Variants in TRMT11 observed in about 807,000 individuals in gnomAD.
The protein encoded by TRMT11 is tRNA (guanine(10)-N(2))-methyltransferase TRMT11.
Under a neutral mutation model 62.8 loss-of-function variants are expected in TRMT11, and 53 were observed. That is an observed-to-expected ratio of 0.84 (90% CI 0.68 to 1.06). The LOEUF is 1.06. TRMT11 is among the 50% of genes least tolerant of loss of function. TRMT11 has a pLI of 0.00. For synonymous variants in TRMT11, 188 were observed against 190.3 expected (o/e 0.99, Z 0.10); for missense variants, 556 against 553.4 (o/e 1.00, Z -0.05).
intron 16 of TRMT11, among the ~76,000 whole-genome samples, chr6:126,048,885 C>G (rs1437929823): frequency 6.6e-6 from 1 of 152,194 alleles, no homozygotes; most frequent in Non-Finnish European, 1.5e-5. Flanking sequence ...TCTCAGGTTA[C>G]AGGCTTGCTG....
intron 17 of TRMT11, among the ~76,000 whole-genome samples, chr6:126,108,238 T>C (rs147543074): frequency 5.6e-4 from 85 of 152,342 alleles, no homozygotes; most frequent in African/African-American, 2.0e-3. Context: ...TTTATGCTCA[T>C]GTCTTTTGTT....
chr6:126,226,367 T>C, the TRMT11 span, among the ~76,000 whole-genome samples: 4 of 152,178 alleles, frequency 2.6e-5, no homozygotes, highest in African/African-American at 9.6e-5. Context: ...ACCTTGCCAA[T>C]CCCAATATCA....
chr6:126,257,916 G>T, the TRMT11 span: 6 of 1,530,180 alleles, frequency 3.9e-6, no homozygotes, highest in Non-Finnish European at 5.4e-6. Context: ...CTGGGTCAAG[G>T]ACCCTCACTT....
chr6:126,234,791 A>G, the TRMT11 span, among the ~76,000 whole-genome samples: 4 of 152,142 alleles, frequency 2.6e-5, no homozygotes, highest in Non-Finnish European at 4.4e-5. Context: ...TTAAAGCTCT[A>G]ATAATTTTAA....
downstream of TRMT11, chr6:126,039,347 C>T (rs1199346086): frequency 6.6e-6 from 1 of 152,348 alleles, no homozygotes; most frequent in Non-Finnish European, 1.5e-5. Flanking sequence ...AAATTCCAGA[C>T]AAGGAAGGAA....
chr6:125,998,117 T>C lies in TRMT11; in HGVS notation c.277T>C (p.Tyr93His). The change falls in exon 4 of 13, where the codon TAC becomes CAC. Residue 93 changes from tyrosine to histidine, a missense_variant. Tyr to His is a moderately conservative substitution (Grantham distance 83). Coordinates refer to ENST00000334379, the MANE Select transcript of TRMT11 (RefSeq NM_001031712.3). ...PEELYSSLKNYPVEKMVPFLH... is the reference protein window; with the variant it reads ...PEELYSSLKNHPVEKMVPFLH... The stretch of plus-strand genomic sequence containing the variant: ...GGAGCTGTACAGTTCTCTTAAAAAC[T>C]ACCCTGTGGAGAAGATGGTGCGTAG... 1 of 1,613,646 alleles carries C rather than the reference T, an allele frequency of 6.2e-7. No homozygotes were observed. The highest frequency in any genetic ancestry group is 8.5e-7 in the Non-Finnish European group (1 of 1,179,604).
chr6:126,063,099 C>T (rs1041412018), intron 17 of TRMT11, among the ~76,000 whole-genome samples: 1 of 152,080 alleles, frequency 6.6e-6, no homozygotes, highest in African/African-American at 2.4e-5. Context: ...AATAATGTTA[C>T]ATATAAGTGA....
chr6:126,163,377 C>T (rs1297418076), intron 21 of TRMT11, among the ~76,000 whole-genome samples: 1 of 152,164 alleles, frequency 6.6e-6, no homozygotes, highest in Non-Finnish European at 1.5e-5. Context: ...ATATGTTGAA[C>T]CAGCCTTGCA....
At chr6:126,089,997 T>C (rs1020999112) in intron 17 of TRMT11, among the ~76,000 whole-genome samples, 2 of 152,342 alleles carry the variant, frequency 1.3e-5, no homozygotes, top group Admixed American at 1.3e-4. Flanking sequence ...CTCTGTGATG[T>C]GCACATGTTG....
intron 17 of TRMT11, among the ~76,000 whole-genome samples, chr6:126,071,291 C>T (rs1334621992): frequency 6.6e-6 from 1 of 151,742 alleles, no homozygotes; most frequent in African/African-American, 2.4e-5. Flanking sequence ...ATGAAAAAGT[C>T]GACATCGTGT....
intron 17 of TRMT11, among the ~76,000 whole-genome samples, chr6:126,073,542 A>G (rs1776922635): frequency 6.6e-6 from 1 of 152,100 alleles, no homozygotes. Flanking sequence ...TATTTAAATC[A>G]CAGTCACAAC....
At chr6:126,160,009 C>G (rs1484767032) in intron 21 of TRMT11, among the ~76,000 whole-genome samples, 1 of 152,194 alleles carries the variant, frequency 6.6e-6, no homozygotes, top group Non-Finnish European at 1.5e-5. Flanking sequence ...TGTCTGATCT[C>G]TTACCTCGGG....
chr6:126,082,571 C>G (rs1181530924), intron 17 of TRMT11, among the ~76,000 whole-genome samples: 2 of 151,962 alleles, frequency 1.3e-5, no homozygotes, highest in African/African-American at 2.4e-5. Flanking sequence ...CCTCTATGCT[C>G]TAAAATGATT....
chr6:126,037,376 C>T (rs1190549535), intron 12 of TRMT11, among the ~76,000 whole-genome samples: 1 of 152,040 alleles, frequency 6.6e-6, no homozygotes, highest in Non-Finnish European at 1.5e-5. Context: ...ACAAAATAAC[C>T]AGCAAATGTT....
At chr6:126,233,723 C>G in the TRMT11 span, among the ~76,000 whole-genome samples, 1 of 152,084 alleles carries the variant, frequency 6.6e-6, no homozygotes. Context: ...TTCTTGAAAT[C>G]AGAAGAAAAG....
At chr6:126,207,946 C>G (rs2128255773), downstream of TRMT11, among the ~76,000 whole-genome samples, 1 of 152,176 alleles carries the variant, frequency 6.6e-6, no homozygotes, top group South Asian at 2.1e-4. Context: ...ATGAGGTCAG[C>G]CCATTTAAAA....
At chr6:126,198,577 A>C (rs1778698352) in intron 1 of TRMT11, among the ~76,000 whole-genome samples, 1 of 152,172 alleles carries the variant, frequency 6.6e-6, no homozygotes, top group African/African-American at 2.4e-5. Context: ...TAAGGCTGTA[A>C]ATCCCACAGT....
chr6:126,073,737 G>T (rs182788609), intron 17 of TRMT11, among the ~76,000 whole-genome samples: 3 of 152,062 alleles, frequency 2.0e-5, no homozygotes, highest in Admixed American at 1.3e-4. Context: ...TTATTTTTCA[G>T]TGTCTTAGGG....
At chr6:126,164,852 T>C (rs1453479483) in intron 21 of TRMT11, among the ~76,000 whole-genome samples, 2 of 152,236 alleles carry the variant, frequency 1.3e-5, no homozygotes, top group Admixed American at 1.3e-4. Context: ...TCCATCCCTT[T>C]ATTTTGAGCC....
Sources: gnomAD v4.1 joint callset for allele counts (sites outside exome capture counted in the v4.1 genomes callset) on GRCh38, gnomAD v4.1.1 for gene constraint, MANE v1.5 for transcripts, NCBI Gene and HGNC (gene_info 2026-07-23, HGNC 2026-07-21) for gene names.